ACTR1B: variants seen among roughly 807,000 people sequenced by gnomAD.
ACTR1B encodes the protein beta-centractin.
ACTR1B carries 34 observed loss-of-function variants against 49.4 expected under a neutral mutation model. That is an observed-to-expected ratio of 0.69 (90% CI 0.52 to 0.92). ACTR1B has a LOEUF of 0.92. Ranked by LOEUF, ACTR1B falls within the 40% of genes least tolerant of loss-of-function variation. The pLI, the probability that ACTR1B is intolerant of heterozygous loss-of-function variation, is 0.00. For missense variants in ACTR1B, 471 were observed against 522.4 expected (o/e 0.90, Z 0.96); for synonymous variants, 207 against 207.8 (o/e 1.00, Z 0.03).
At position 97,658,316 on chromosome 2, in the gene ACTR1B, G is replaced by C; in HGVS notation, c.658C>G (p.Arg220Gly). 3.7e-6 allele frequency: 6 copies of C among 1,614,142 alleles called. No individual in the cohort carries two copies. The highest frequency in any genetic ancestry group is 3.4e-6 in the Non-Finnish European group (4 of 1,180,020). The change falls in exon 7 of 11, where the codon CGA becomes GGA. Residue 220 changes from arginine to glycine, a missense_variant and splice_region_variant. Transcript: ENST00000289228. The surrounding 1 kb of genome is among the most constrained non-coding windows in gnomAD (Gnocchi z 5.9). ...EFEVVRTIKE[R>G]ACYLSINPQK... is the part of the protein sequence containing the mutation. ...GGGTTGATGGACAGGTAGCACGCTC[G>C]CTGCGGGGACAGGGACACAGCCCTC...
Position 97,659,588 on chromosome 2 carries a change from C to G in ACTR1B, c.190-111G>C, listed in dbSNP as rs1261180915. 1.2e-6 allele frequency: 1 copy of G among 801,826 alleles called. No individual in the cohort carries two copies. Among genetic ancestry groups the G allele is most frequent in the Non-Finnish European group, 2.0e-6 (1 of 493,760 alleles). The allele number at this position is 801,826 out of a possible 1,614,324, so 49.7% of individuals were successfully genotyped here. A position where few individuals can be genotyped will look rare whatever the true frequency, so the allele number is the denominator to read the frequency against. Reference sequence around the variant, plus strand: ...CTGACCAGAACCTCACCTGCCCTGACCAGAACCACCCCTGCTCACTGGGTG... The same window carrying G: ...CTGACCAGAACCTCACCTGCCCTGAGCAGAACCACCCCTGCTCACTGGGTG... On this transcript the variant is annotated intron_variant, in intron 3 of 10. Transcript: ENST00000289228. The surrounding 1 kb of genome is among the most constrained non-coding windows in gnomAD (Gnocchi z 4.0).
intron 1 of ACTR1B, among the ~76,000 whole-genome samples, chr2:97,662,344 C>T (rs1399990676): frequency 4.0e-5 from 6 of 151,830 alleles, no homozygotes; most frequent in African/African-American, 7.3e-5. Context: ...TGGTTGGCTC[C>T]AGCAGGATTC....
chr2:97,660,437 C>A, intron 3 of ACTR1B, 134 bp downstream of exon 3: 1 of 822,118 alleles, frequency 1.2e-6, no homozygotes, highest in Non-Finnish European at 2.0e-6. Context: ...GGGGGAGGTG[C>A]CCCTGCACAG....
At position 97,658,444 on chromosome 2, in the gene ACTR1B, C is replaced by T; in HGVS notation, c.640G>A (p.Val214Ile). ...DFHTSAEFEV[V>I]RTIKERACYL... ...CTTGTCACCTCTTTGATTGTCCGGACAACCTCAAACTCAGCCGAGGTATGG... is the reference window on the plus strand; with the variant it reads ...CTTGTCACCTCTTTGATTGTCCGGATAACCTCAAACTCAGCCGAGGTATGG... The change falls in exon 6 of 11, where the codon GTC becomes ATC. Residue 214 changes from valine to isoleucine, a missense_variant. By Grantham distance (29) the Val-to-Ile change is conservative. Coordinates refer to ENST00000289228, the MANE Select transcript of ACTR1B (RefSeq NM_005735.4). The surrounding 1 kb of genome is among the most constrained non-coding windows in gnomAD (Gnocchi z 5.9). The T allele has an allele frequency of 6.2e-7, 1 of 1,614,174 alleles. No individual in the cohort carries two copies. The highest frequency in any genetic ancestry group is 8.5e-7 in the Non-Finnish European group (1 of 1,180,012).
In ACTR1B at chr2:97,659,412, G is replaced by A; in HGVS notation, c.255C>T (p.Asp85=). 6.2e-7 allele frequency: 1 copy of A among 1,614,058 alleles called. No homozygotes were observed. Among genetic ancestry groups the A allele is most frequent in the Non-Finnish European group, 8.5e-7 (1 of 1,179,988 alleles). ...AGACGTACTGCCAGATGCGTTCCAT[G>A]TCGTTCCAGTCTCGCACCACGCCGT... ...MEHGVVRDWN[D]MERIWQYVYS... Residue 85 remains aspartate, a synonymous_variant, in exon 4 of 11, where the codon GAC becomes GAT. Coordinates refer to ENST00000289228, the MANE Select transcript of ACTR1B (RefSeq NM_005735.4). This position sits in a 1 kb window ranked among gnomAD's most constrained non-coding sequence, Gnocchi z 4.0.
intron 9 of ACTR1B, 91 bp from the exon 10 acceptor site, chr2:97,657,283 C>T: frequency 6.4e-7 from 1 of 1,561,158 alleles, no homozygotes; most frequent in Non-Finnish European, 8.8e-7. Flanking sequence ...GTCCTGAAGC[C>T]TGACAGCAAA....
At chr2:97,662,162 A>G (rs570787195) in intron 1 of ACTR1B, among the ~76,000 whole-genome samples, 1 of 152,202 alleles carries the variant, frequency 6.6e-6, no homozygotes, top group South Asian at 2.1e-4. Flanking sequence ...AGCTGGGGAG[A>G]GGGGACATGC....
Position 97,659,317 on chromosome 2 carries a change from G to C in ACTR1B, c.315+35C>G. 6.2e-7 allele frequency: 1 copy of C among 1,613,228 alleles called. No homozygotes were observed. ...GCAGAGGAGAGGGGCATGGCCAGGA[G>C]AATGCAGAGCATGCAGGAGGGGCAG... On this transcript the variant is annotated intron_variant, in intron 4 of 10. Coordinates refer to ENST00000289228, the MANE Select transcript of ACTR1B (RefSeq NM_005735.4). The surrounding 1 kb of genome is among the most constrained non-coding windows in gnomAD (Gnocchi z 4.0).
intron 2 of ACTR1B, among the ~76,000 whole-genome samples, 188 bp from the exon 3 acceptor site, chr2:97,660,834 G>A (rs1051549691): frequency 4.6e-5 from 7 of 152,166 alleles, no homozygotes; most frequent in Admixed American, 3.9e-4. Flanking sequence ...TAGGCAGGAC[G>A]AGAAGCTCAG....
At chr2:97,657,099 C>T in intron 10 of ACTR1B, 53 bp downstream of exon 10, 2 of 1,597,892 alleles carry the variant, frequency 1.3e-6, no homozygotes, top group Admixed American at 1.7e-5. Context: ...ATGGGAGGAG[C>T]ATCCAGGGTA....
At position 97,656,770 on chromosome 2, in the gene ACTR1B, C is replaced by T. The variant is rs182563646; in HGVS notation, c.*88G>A. On this transcript the variant is annotated 3_prime_UTR_variant, in exon 11 of 11. Transcript: ENST00000289228. ...TTCAGGGCATGCAGGGGACCCTAAG[C>T]CTAGTATACGAGCCAAGACCAAAAA... 2 of 1,120,150 alleles carry T rather than the reference C, an allele frequency of 1.8e-6. No individual in the cohort carries two copies. Among genetic ancestry groups the T allele is most frequent in the Admixed American group, 4.0e-5 (2 of 50,076 alleles). 69.4% of individuals were successfully genotyped at this position (1,120,150 alleles called of 1,614,324 possible).
At position 97,659,904 on chromosome 2, in the gene ACTR1B, G is replaced by T; in HGVS notation, c.190-427C>A. On this transcript the variant is annotated intron_variant, in intron 3 of 10. Transcript: ENST00000289228. The surrounding 1 kb of genome is among the most constrained non-coding windows in gnomAD (Gnocchi z 4.0). The stretch of plus-strand genomic sequence containing the variant: ...CTACGCCTCTCCCCCCAGCCCTTTG[G>T]CCGGTCCTCACCAGTCCCCTGTTTG... 4.0e-6 allele frequency: 1 copy of T among 247,486 alleles called. No homozygotes were observed. The highest frequency in any genetic ancestry group is 7.9e-6 in the Non-Finnish European group (1 of 126,616). The allele number at this position is 247,486 out of a possible 1,614,324, so 15.3% of individuals were successfully genotyped here. A position where few individuals can be genotyped will look rare whatever the true frequency, so the allele number is the denominator to read the frequency against.
chr2:97,657,426 G>A (rs1220377218), intron 9 of ACTR1B, 22 bp downstream of exon 9: 3 of 1,613,542 alleles, frequency 1.9e-6, no homozygotes, highest in African/African-American at 2.7e-5. Context: ...TAGTGCCCCA[G>A]GGGGAGTTTC....
At position 97,663,952 on chromosome 2, in the gene ACTR1B, G is replaced by A; in HGVS notation, c.-62C>T. ...GCAGGAGGCACCGGATGGGCGGGCG[G>A]GCGGGAGGACCGGGACGGCGGCGGC... On this transcript the variant is annotated 5_prime_UTR_variant, in exon 1 of 11. Coordinates refer to ENST00000289228, the MANE Select transcript of ACTR1B (RefSeq NM_005735.4). 1.1e-6 allele frequency: 1 copy of A among 937,034 alleles called. No individual in the cohort carries two copies. Among genetic ancestry groups the A allele is most frequent in the Non-Finnish European group, 1.4e-6 (1 of 708,382 alleles). 58.0% of individuals were successfully genotyped at this position (937,034 alleles called of 1,614,324 possible).
At chr2:97,663,078 C>T (rs76032414) in intron 1 of ACTR1B, among the ~76,000 whole-genome samples, 141 of 152,300 alleles carry the variant, frequency 9.3e-4, no homozygotes, top group Non-Finnish European at 1.6e-3. Context: ...ACTCAAAGAT[C>T]CCAGCCCTTA....
chr2:97,660,027 G>A (rs961649860), intron 3 of ACTR1B: 1 of 180,870 alleles, frequency 5.5e-6, no homozygotes. Context: ...CGGCTCCTAC[G>A]GACCCCATCT....
Position 97,659,686 on chromosome 2 carries a change from C to CTCTTAGATT in ACTR1B, c.190-210_190-209insAATCTAAGA. The CTCTTAGATT allele has an allele frequency of 1.5e-6, 1 of 652,664 alleles. No homozygotes were observed. The highest frequency in any genetic ancestry group is 2.6e-6 in the Non-Finnish European group (1 of 386,916). 40.4% of individuals were successfully genotyped at this position (652,664 alleles called of 1,614,324 possible). ...CACCAGCTTCTTAGGCTCTTAGAGC[C>CTCTTAGATT]CAGCTAGCTTCAGCTGGGGGGATCA... On this transcript the variant is annotated intron_variant, in intron 3 of 10. Coordinates refer to ENST00000289228, the MANE Select transcript of ACTR1B (RefSeq NM_005735.4). The surrounding 1 kb of genome is among the most constrained non-coding windows in gnomAD (Gnocchi z 4.0).
intron 9 of ACTR1B, 83 bp from the exon 10 acceptor site, chr2:97,657,275 C>A: frequency 6.4e-7 from 1 of 1,567,224 alleles, no homozygotes. Flanking sequence ...TTCCCCAGGT[C>A]CTGAAGCCTG....
chr2:97,657,397 G>T (rs1294609464), intron 9 of ACTR1B, 51 bp downstream of exon 9: 1 of 1,598,276 alleles, frequency 6.3e-7, no homozygotes, highest in Non-Finnish European at 8.6e-7. Context: ...TCCTCCCCAT[G>T]CCAAGGCTGC....
Sources: allele counts gnomAD v4.1 joint callset (sites outside exome capture counted in the v4.1 genomes callset), GRCh38; gene constraint gnomAD v4.1.1; non-coding constraint Gnocchi (gnomAD v3.1); transcripts MANE v1.5; gene names NCBI Gene and HGNC (gene_info 2026-07-23, HGNC 2026-07-21).